Variants in SRCIN1 observed in about 807,000 individuals in gnomAD.
SRCIN1 encodes the protein P130Cas-associated protein.
SRCIN1 carries 50 observed loss-of-function variants against 116.2 expected under a neutral mutation model. The observed-to-expected ratio is 0.43, with a 90% confidence interval of 0.34 to 0.54. The LOEUF is 0.54. Ranked by LOEUF, SRCIN1 falls within the 20% of genes least tolerant of loss-of-function variation. The pLI is 0.02. For missense variants in SRCIN1, 1,446 were observed against 1,672.0 expected (o/e 0.86, Z 2.36); for synonymous variants, 736 against 750.0 (o/e 0.98, Z 0.30).
intron 1 of SRCIN1, among the ~76,000 whole-genome samples, chr17:38,601,645 C>CAA (rs1417923409): frequency 6.9e-6 from 1 of 143,960 alleles, no homozygotes; most frequent in Non-Finnish European, 1.5e-5. Context: ...CACGCACACA[C>CAA]ACACACACGC....
intron 17 of SRCIN1, 25 bp downstream of exon 17, chr17:38,548,531 TG>T: frequency 6.2e-7 from 1 of 1,606,222 alleles, no homozygotes. Flanking sequence ...GCTGAGACCT[TG>T]GGGGCCAGGT....
At position 38,552,966 on chromosome 17, in the gene SRCIN1, A is replaced by G; in HGVS notation, c.2202-111T>C. The stretch of plus-strand genomic sequence containing the variant: ...GGCCACCAGTTGGATCGAAAGTAAA[A>G]GCAGGAGGCTGGGCACCGTGGCTCA... On this transcript the variant is annotated intron_variant, in intron 11 of 18. Transcript: ENST00000617146. This position sits in a 1 kb window ranked among gnomAD's most constrained non-coding sequence, Gnocchi z 5.3. The G allele has an allele frequency of 6.7e-7, 1 of 1,501,262 alleles. No individual in the cohort carries two copies. Among genetic ancestry groups the G allele is most frequent in the Non-Finnish European group, 8.9e-7 (1 of 1,121,622 alleles). The allele number at this position is 1,501,262 out of a possible 1,614,324, so 93.0% of individuals were successfully genotyped here. A position where few individuals can be genotyped will look rare whatever the true frequency, so the allele number is the denominator to read the frequency against.
In SRCIN1 at chr17:38,562,357, G is replaced by A. The variant is rs1906330442; in HGVS notation, c.835-29C>T. The stretch of plus-strand genomic sequence containing the variant: ...CGCAGAAGACAGCCCGGAACCCCAC[G>A]GGGCTGGTCACCAAGGACACCCCTG... On this transcript the variant is annotated intron_variant, in intron 6 of 18. Transcript: ENST00000617146. This position sits in a 1 kb window ranked among gnomAD's most constrained non-coding sequence, Gnocchi z 4.2. The A allele has an allele frequency of 3.5e-6, 5 of 1,415,884 alleles. No homozygotes were observed. Among genetic ancestry groups the A allele is most frequent in the East Asian group, 6.0e-5 (2 of 33,168 alleles). The allele number at this position is 1,415,884 out of a possible 1,614,324, so 87.7% of individuals were successfully genotyped here.
intron 3 of SRCIN1, among the ~76,000 whole-genome samples, chr17:38,566,325 C>A (rs145860063): frequency 1.1e-4 from 16 of 152,262 alleles, no homozygotes; most frequent in Non-Finnish European, 2.1e-4. Context: ...CCAGTGGGCA[C>A]CTTTCCATTC....
chr17:38,582,548 T>G (rs1028434434), intron 1 of SRCIN1, among the ~76,000 whole-genome samples: 1 of 152,196 alleles, frequency 6.6e-6, no homozygotes, highest in Non-Finnish European at 1.5e-5. Context: ...AGGCCGTCGC[T>G]CAGCCCTCAG....
chr17:38,538,647 G>A (rs1190656660), intron 18 of SRCIN1, among the ~76,000 whole-genome samples: 1 of 152,076 alleles, frequency 6.6e-6, no homozygotes, highest in African/African-American at 2.4e-5. Context: ...ATACACGTGA[G>A]GCCCAGTGTT....
chr17:38,591,789 T>C (rs549674607), intron 1 of SRCIN1, among the ~76,000 whole-genome samples: 2 of 152,328 alleles, frequency 1.3e-5, no homozygotes, highest in South Asian at 4.2e-4. Flanking sequence ...TTCTGGTGCC[T>C]GGCCTTGCTA....
At chr17:38,548,442 C>T (rs1328061197) in intron 17 of SRCIN1, 115 bp downstream of exon 17, 13 of 1,333,692 alleles carry the variant, frequency 9.7e-6, no homozygotes, top group African/African-American at 2.9e-5. Context: ...GCCAGCGCTC[C>T]GCAGGGAGCC....
At chr17:38,606,438 C>G (rs1346629470), upstream of SRCIN1, among the ~76,000 whole-genome samples, 2 of 152,146 alleles carry the variant, frequency 1.3e-5, no homozygotes, top group Non-Finnish European at 2.9e-5. This position sits in a 1 kb window ranked among gnomAD's most constrained non-coding sequence, Gnocchi z 5.2. Context: ...CCGGATCCTC[C>G]TCTGCTTCTG....
At chr17:38,581,893 G>A (rs1164722580) in intron 1 of SRCIN1, among the ~76,000 whole-genome samples, 2 of 152,162 alleles carry the variant, frequency 1.3e-5, no homozygotes, top group Non-Finnish European at 2.9e-5. Context: ...CATAACCCCT[G>A]ACCTTCCTCC....
chr17:38,568,710 A>G lies in SRCIN1; in HGVS notation c.325-479T>C, dbSNP rs1011173224. Among the ~76,000 whole-genome samples, 1 of 152,122 alleles carries G rather than the reference A, an allele frequency of 6.6e-6. No homozygotes were observed. The highest frequency in any genetic ancestry group is 2.4e-5 in the African/African-American group (1 of 41,422). ...AAGTGGAGGGGGGTTGAGGCAAGTC[A>G]CTAGTCCACATTGGCTGGGGCGCAG... On this transcript the variant is annotated intron_variant, in intron 2 of 18. Coordinates refer to ENST00000617146, the MANE Select transcript of SRCIN1 (RefSeq NM_025248.3). This position sits in a 1 kb window ranked among gnomAD's most constrained non-coding sequence, Gnocchi z 4.5.
chr17:38,551,254 G>A lies in SRCIN1; in HGVS notation c.2863C>T (p.His955Tyr). The change falls in exon 15 of 19, where the codon CAT becomes TAT. Residue 955 changes from histidine to tyrosine, a missense_variant. By Grantham distance (83) the His-to-Tyr change is moderately conservative. Transcript: ENST00000617146. ...IPDLDCASKAHPGPAPTPDHK... is the reference protein window; with the variant it reads ...IPDLDCASKAYPGPAPTPDHK... The stretch of plus-strand genomic sequence containing the variant: ...TCTGGAGTGGGGGCCGGGCCTGGAT[G>A]GGCCTTGCTGGCACAGTCCAGGTCA... 6.2e-7 allele frequency: 1 copy of A among 1,612,842 alleles called. No individual in the cohort carries two copies. The highest frequency in any genetic ancestry group is 8.5e-7 in the Non-Finnish European group (1 of 1,179,392).
At chr17:38,575,118 C>G in intron 2 of SRCIN1, 1 of 397,864 alleles carries the variant, frequency 2.5e-6, no homozygotes, top group Middle Eastern at 6.3e-4. Context: ...GCTGGCAAGT[C>G]CCTTATTTAG....
Position 38,563,846 on chromosome 17 carries a change from AG to A in SRCIN1, c.541+271del. 1 of 615,910 alleles carries A rather than the reference AG, an allele frequency of 1.6e-6. No homozygotes were observed. The highest frequency in any genetic ancestry group is 1.9e-5 in the South Asian group (1 of 51,974). The allele number at this position is 615,910 out of a possible 1,614,324, so 38.2% of individuals were successfully genotyped here. A position where few individuals can be genotyped will look rare whatever the true frequency, so the allele number is the denominator to read the frequency against. On this transcript the variant is annotated intron_variant, in intron 4 of 18. Transcript: ENST00000617146. The surrounding 1 kb of genome is among the most constrained non-coding windows in gnomAD (Gnocchi z 5.8). ...GAGAGAGGTTGGAGAGAGTTAGAGA[AG>A]GGAGATGGGAGAGAAGGGAGGGATG...
At chr17:38,551,831 G>T (rs749211680) in intron 14 of SRCIN1, 55 bp downstream of exon 14, 2 of 1,608,386 alleles carry the variant, frequency 1.2e-6, no homozygotes, top group Non-Finnish European at 1.7e-6. Flanking sequence ...AAGGATGGTC[G>T]TAAGAATGTG....
At chr17:38,543,707 C>A in intron 18 of SRCIN1, 116 bp downstream of exon 18, 1 of 1,429,776 alleles carries the variant, frequency 7.0e-7, no homozygotes, top group Non-Finnish European at 9.3e-7. Flanking sequence ...GAAGGTCTGT[C>A]TGGGAAGAGG....
chr17:38,606,017 C>CGT (rs1344185630), upstream of SRCIN1: 2 of 133,196 alleles, frequency 1.5e-5, no homozygotes, highest in Non-Finnish European at 3.2e-5. The surrounding 1 kb of genome is among the most constrained non-coding windows in gnomAD (Gnocchi z 5.2). Flanking sequence ...CGGGCGCGCG[C>CGT]GTGTGGCCGG....
intron 2 of SRCIN1, among the ~76,000 whole-genome samples, chr17:38,578,268 G>A (rs563797612): frequency 6.6e-6 from 1 of 152,320 alleles, no homozygotes; most frequent in South Asian, 2.1e-4. Context: ...GCAGAGGTCT[G>A]GGGGCCAAGC....
At chr17:38,565,784 C>T (rs72823873) in intron 3 of SRCIN1, among the ~76,000 whole-genome samples, 490 of 152,326 alleles carry the variant, frequency 3.2e-3, no homozygotes, top group Non-Finnish European at 4.8e-3. Flanking sequence ...ATAGATCAGA[C>T]GTGGGGACAT....
Sources: allele counts gnomAD v4.1 joint callset (sites outside exome capture counted in the v4.1 genomes callset), GRCh38; gene constraint gnomAD v4.1.1; non-coding constraint Gnocchi (gnomAD v3.1); transcripts MANE v1.5; gene names NCBI Gene and HGNC (gene_info 2026-07-23, HGNC 2026-07-21).